Variants in SUPT3H observed in about 807,000 individuals in gnomAD.
SUPT3H encodes transcription initiation protein SPT3 homolog.
In SUPT3H, 44 loss-of-function variants were observed where a neutral mutation model predicts 44.3. That is an observed-to-expected ratio of 0.99 (90% CI 0.78 to 1.28). The LOEUF (loss-of-function observed/expected upper bound fraction) is 1.28. Among genes scored for constraint, SUPT3H ranks in the 50% most tolerant of loss-of-function variants. The pLI is 0.00. For missense variants in SUPT3H, 380 were observed against 387.1 expected, an observed-to-expected ratio of 0.98 and a Z score of 0.15; for synonymous variants, 124 against 125.6, an observed-to-expected ratio of 0.99 and a Z score of 0.09.
chr6:45,273,121 T>A (rs1372097833), intron 2 of SUPT3H, among the ~76,000 whole-genome samples: 1 of 152,210 alleles, frequency 6.6e-6, no homozygotes, highest in Non-Finnish European at 1.5e-5. Flanking sequence ...GGGTGGAAAG[T>A]TTGCTCAACT....
chr6:45,252,930 G>A (rs150354211), intron 2 of SUPT3H, among the ~76,000 whole-genome samples: 22 of 151,998 alleles, frequency 1.4e-4, no homozygotes, highest in African/African-American at 5.3e-4. Context: ...AGCATTAATG[G>A]AGACTAAAAA....
At chr6:44,833,929 A>G (rs1769329137) in intron 10 of SUPT3H, among the ~76,000 whole-genome samples, 1 of 152,216 alleles carries the variant, frequency 6.6e-6, no homozygotes, top group South Asian at 2.1e-4. Flanking sequence ...ACTTCCGAGT[A>G]CAGACAATGG....
chr6:45,163,092 C>T lies in SUPT3H; in HGVS notation c.102-57086G>A, dbSNP rs1052090122. The stretch of plus-strand genomic sequence containing the variant: ...CAAGAGAAGTGGGGAGATTACATAT[C>T]TAAAACATTAGTGAGCAATATGGAA... On this transcript the variant is annotated intron_variant, in intron 2 of 10. Transcript: ENST00000371459. 5.3e-5 allele frequency among the ~76,000 whole-genome samples: 8 copies of T among 152,122 alleles called. No individual in the cohort carries two copies. The East Asian group carries it at 1.3e-3, about 26-fold the overall frequency.
Position 44,827,692 on chromosome 6 carries a change from A to G in SUPT3H, c.*2124T>C, listed in dbSNP as rs1767918519. On this transcript the variant is annotated 3_prime_UTR_variant, in exon 11 of 11. Transcript: ENST00000371459. ...TTTCACTTCAAATTTAGTATTGTGC[A>G]AAGAGTCAGAGAAAGAACCTAAGTA... is the stretch of plus-strand genomic sequence containing the variant. 6.6e-6 allele frequency among the ~76,000 whole-genome samples: 1 copy of G among 152,120 alleles called. No homozygotes were observed. Among genetic ancestry groups the G allele is most frequent in the African/African-American group, 2.4e-5 (1 of 41,436 alleles).
intron 10 of SUPT3H, among the ~76,000 whole-genome samples, chr6:44,912,849 T>C (rs1359425345): frequency 6.6e-6 from 1 of 152,212 alleles, no homozygotes; most frequent in Non-Finnish European, 1.5e-5. Context: ...GTTACTGTGC[T>C]AGGTGAGGAG....
At chr6:45,016,357 TTAC>T (rs1224726872) in intron 4 of SUPT3H, among the ~76,000 whole-genome samples, 3 of 151,852 alleles carry the variant, frequency 2.0e-5, no homozygotes, top group South Asian at 2.1e-4. Context: ...TATTTTATTA[TTAC>T]TATACTTTAA....
chr6:44,911,772 G>C lies in SUPT3H; in HGVS notation c.912+20881C>G, dbSNP rs1328275570. Among the ~76,000 whole-genome samples the C allele has an allele frequency of 4.8e-4, 73 of 152,160 alleles. 1 individual carries two copies. The highest frequency in any genetic ancestry group is 4.7e-3 in the Admixed American group (72 of 15,278). ...TAATACGAATTGTTACTGTTTTTCA[G>C]CTAACATTTGCAACTGCTGTGGATA... On this transcript the variant is annotated intron_variant, in intron 10 of 10. Transcript: ENST00000371459.
chr6:45,369,145 A>C (rs1327682149), intron 1 of SUPT3H, among the ~76,000 whole-genome samples: 9 of 152,142 alleles, frequency 5.9e-5, no homozygotes, highest in Non-Finnish European at 1.3e-4. Flanking sequence ...CCTGGTTTAT[A>C]AACTTATCTC....
intron 2 of SUPT3H, among the ~76,000 whole-genome samples, chr6:45,230,138 T>A (rs1584385360): frequency 6.6e-6 from 1 of 152,182 alleles, no homozygotes; most frequent in Non-Finnish European, 1.5e-5. Context: ...GACCTCCAGT[T>A]CCATCCACAA....
chr6:45,003,844 T>A (rs922216859), intron 5 of SUPT3H, 52 bp from the exon 6 acceptor site: 60 of 1,585,678 alleles, frequency 3.8e-5, no homozygotes, highest in Middle Eastern at 1.7e-4. Flanking sequence ...TAGGTTTACA[T>A]CAGCACTAAT....
intron 6 of SUPT3H, among the ~76,000 whole-genome samples, chr6:44,997,702 G>C (rs1370712066): frequency 6.6e-6 from 1 of 151,838 alleles, no homozygotes; most frequent in Non-Finnish European, 1.5e-5. Flanking sequence ...AATAAAAGTG[G>C]TAACAGTGGG....
At chr6:45,146,064 T>C (rs537101183) in intron 2 of SUPT3H, among the ~76,000 whole-genome samples, 1 of 152,282 alleles carries the variant, frequency 6.6e-6, no homozygotes, top group South Asian at 2.1e-4. Flanking sequence ...TTTACACTGC[T>C]GGTGGGAACA....
chr6:44,965,747 A>C (rs1776691323), intron 6 of SUPT3H, among the ~76,000 whole-genome samples: 1 of 152,220 alleles, frequency 6.6e-6, no homozygotes, highest in Non-Finnish European at 1.5e-5. Context: ...ATAATTCAAC[A>C]TCTGAGTATT....
At chr6:45,331,863 T>C (rs1295529997) in intron 2 of SUPT3H, among the ~76,000 whole-genome samples, 1 of 151,966 alleles carries the variant, frequency 6.6e-6, no homozygotes, top group African/African-American at 2.4e-5. Flanking sequence ...CAACTGATAG[T>C]TTGACTTGTT....
chr6:45,033,643 G>T (rs983005516), intron 3 of SUPT3H, among the ~76,000 whole-genome samples: 3 of 152,122 alleles, frequency 2.0e-5, no homozygotes, highest in Non-Finnish European at 4.4e-5. Context: ...TGCAAGATAG[G>T]TATCATAACT....
chr6:45,005,216 A>G (rs56164851), intron 5 of SUPT3H, among the ~76,000 whole-genome samples: 1 of 152,154 alleles, frequency 6.6e-6, no homozygotes, highest in Non-Finnish European at 1.5e-5. Flanking sequence ...TGATTAAAAT[A>G]TTTAATTTCC....
intron 3 of SUPT3H, among the ~76,000 whole-genome samples, chr6:45,076,367 A>C (rs868031279): frequency 1.3e-5 from 2 of 152,202 alleles, no homozygotes; most frequent in Non-Finnish European, 2.9e-5. Flanking sequence ...GGTTTTGATC[A>C]GCTTCCTTTG....
At chr6:45,018,066 C>T (rs940887409) in intron 4 of SUPT3H, among the ~76,000 whole-genome samples, 13 of 151,988 alleles carry the variant, frequency 8.6e-5, no homozygotes, top group African/African-American at 3.1e-4. Flanking sequence ...CTTCATGTCC[C>T]TTGTAAGTTG....
In SUPT3H at chr6:45,045,693, T is replaced by C. The variant is rs78479162; in HGVS notation, c.187-25061A>G. 8.6e-3 allele frequency among the ~76,000 whole-genome samples: 1,309 copies of C among 152,292 alleles called. 23 individuals carry two copies. The highest frequency in any genetic ancestry group is 0.03 in the African/African-American group (1,233 of 41,580). On this transcript the variant is annotated intron_variant, in intron 3 of 10. Coordinates refer to ENST00000371459, the MANE Select transcript of SUPT3H (RefSeq NM_003599.4). ...AGCTTCCAATATTTTCACATGTGCT[T>C]ACTGGTCATTCACATATATTCTTTT...
Sources: gnomAD v4.1 joint callset for allele counts (sites outside exome capture counted in the v4.1 genomes callset) on GRCh38, gnomAD v4.1.1 for gene constraint, MANE v1.5 for transcripts, NCBI Gene and HGNC (gene_info 2026-07-23, HGNC 2026-07-21) for gene names.